OTUD7B: variants seen among roughly 807,000 people sequenced by gnomAD.
OTUD7B encodes the protein OTU deubiquitinase 7B.
A neutral mutation model predicts 82.2 loss-of-function variants in OTUD7B; 34 were observed. The ratio of observed to expected loss-of-function variants is 0.41; its 90% confidence interval spans 0.31 to 0.55. The LOEUF (loss-of-function observed/expected upper bound fraction) is 0.55, where lower values mean the gene tolerates loss of function less well. OTUD7B is among the 20% of genes least tolerant of loss of function. The pLI is 0.20. For missense variants in OTUD7B, 944 were observed against 1,062.1 expected, an observed-to-expected ratio of 0.89 and a Z score of 1.55; for synonymous variants, 398 against 402.7, an observed-to-expected ratio of 0.99 and a Z score of 0.14.
chr1:150,055,734 G>T, the OTUD7B span, among the ~76,000 whole-genome samples: 1 of 152,220 alleles, frequency 6.6e-6, no homozygotes, highest in African/African-American at 2.4e-5. Context: ...TCTTTTGCAG[G>T]TACATGGATG....
intron 7 of OTUD7B, among the ~76,000 whole-genome samples, chr1:149,956,040 A>T (rs1158288858): frequency 3.3e-5 from 5 of 152,092 alleles, no homozygotes; most frequent in Non-Finnish European, 5.9e-5. Flanking sequence ...TTTACATTTA[A>T]GGTTAATACT....
At chr1:150,048,122 G>A in the OTUD7B span, among the ~76,000 whole-genome samples, 33 of 151,842 alleles carry the variant, frequency 2.2e-4, no homozygotes, top group South Asian at 4.8e-3. Flanking sequence ...TCCCACAGAA[G>A]AAAACAAGGT....
At chr1:150,054,095 T>C in the OTUD7B span, 1 of 403,356 alleles carries the variant, frequency 2.5e-6, no homozygotes, top group South Asian at 2.5e-5. Flanking sequence ...AGCTGTGAAA[T>C]CCAAGGTTGA....
chr1:149,999,650 G>T (rs1009671722), intron 1 of OTUD7B, among the ~76,000 whole-genome samples: 1 of 152,172 alleles, frequency 6.6e-6, no homozygotes, highest in African/African-American at 2.4e-5. Context: ...GATGGCTTGA[G>T]CCCAGGAGTT....
At position 149,944,345 on chromosome 1, in the gene OTUD7B, CT is replaced by C; in HGVS notation, c.2043del (p.Glu682SerfsTer146). 1 of 1,613,238 alleles carries C rather than the reference CT, an allele frequency of 6.2e-7. No homozygotes were observed. Among genetic ancestry groups the C allele is most frequent in the Non-Finnish European group, 8.5e-7 (1 of 1,179,496 alleles). On this transcript the variant is annotated frameshift_variant, in exon 12 of 12. Coordinates refer to ENST00000581312, the MANE Select transcript of OTUD7B (RefSeq NM_020205.4). LOFTEE classifies it high-confidence loss of function. ...GTGGAAAATGCCATTGCCCTGGACT[CT>C]GCTGGGGGACCGGTCGGCTGCTCTT... ...AREEQPTGPP[A>X]ESRAMAFSTG...
intron 7 of OTUD7B, among the ~76,000 whole-genome samples, chr1:149,954,483 A>G (rs1473462817): frequency 2.0e-5 from 3 of 152,192 alleles, no homozygotes; most frequent in African/African-American, 7.2e-5. Context: ...ATCGATGTTC[A>G]TCAGGGATAG....
At chr1:149,991,992 G>C (rs1214871804) in intron 1 of OTUD7B, among the ~76,000 whole-genome samples, 14 of 152,182 alleles carry the variant, frequency 9.2e-5, no homozygotes, top group Non-Finnish European at 5.9e-5. Flanking sequence ...CACTTTGGGA[G>C]GCCAAGGCAG....
At chr1:149,977,995 G>C (rs1170044687) in intron 1 of OTUD7B, among the ~76,000 whole-genome samples, 1 of 152,150 alleles carries the variant, frequency 6.6e-6, no homozygotes, top group Non-Finnish European at 1.5e-5. Context: ...TTGCTGTCTA[G>C]CCATCTCCTC....
chr1:149,945,049 G>A lies in OTUD7B; in HGVS notation c.1340C>T (p.Pro447Leu). The A allele has an allele frequency of 1.2e-6, 2 of 1,613,808 alleles. No homozygotes were observed. Among genetic ancestry groups the A allele is most frequent in the Non-Finnish European group, 1.7e-6 (2 of 1,179,946 alleles). The change falls in exon 12 of 12, where the codon CCT becomes CTT. Residue 447 changes from proline (P) to leucine (L), a missense_variant. Transcript: ENST00000581312. ...TCCAGCTGAGGCGGTGGGGGACTCA[G>A]GCTGGGCCAGAGGAGCCTGGAAGAG... ...SSDAQAPLAQ[P>L]ESPTASAGDE... is the part of the protein sequence containing the mutation.
At position 149,965,862 on chromosome 1, in the gene OTUD7B, C is replaced by G; in HGVS notation, c.519G>C (p.Trp173Cys). 6.2e-7 allele frequency: 1 copy of G among 1,613,948 alleles called. No homozygotes were observed. ...TCTGAGAGGTGGGATCCACACTCACCCACCAGTTCAAACGCCCTGTAGAAA... is the reference window on the plus strand; with the variant it reads ...TCTGAGAGGTGGGATCCACACTCACGCACCAGTTCAAACGCCCTGTAGAAA... ...ALEQAGRLNW[W>C]VSVDPTSQRL... The change falls in exon 5 of 12, where the codon TGG (tryptophan) becomes TGC (cysteine). Residue 173 changes from tryptophan (W) to cysteine (C), a missense_variant. Physicochemically the swap from Trp to Cys is radical, Grantham distance 215 (BLOSUM62 -2). Coordinates refer to ENST00000581312, the MANE Select transcript of OTUD7B (RefSeq NM_020205.4).
At chr1:149,979,655 AAAATGTCAAATTCAAAATGTCAAATTC>A (rs1650578146) in intron 1 of OTUD7B, among the ~76,000 whole-genome samples, 1 of 151,682 alleles carries the variant, frequency 6.6e-6, no homozygotes, top group African/African-American at 2.4e-5. Context: ...CCTCAAATTC[AAAATGTCAAATTCAAAATGTCAAATTC>A]AAATGTCAAA....
chr1:149,965,708 C>T (rs1553776421), intron 5 of OTUD7B, 69 bp downstream of exon 5: 10 of 1,107,760 alleles, frequency 9.0e-6, no homozygotes, highest in Non-Finnish European at 1.4e-5. Flanking sequence ...TGGATCAAGT[C>T]CTACACATGA....
intron 7 of OTUD7B, among the ~76,000 whole-genome samples, chr1:149,954,596 T>C (rs1648518703): frequency 6.6e-6 from 1 of 152,196 alleles, no homozygotes; most frequent in Admixed American, 6.5e-5. Context: ...CTTTTTCTAT[T>C]GATTGGAATA....
the OTUD7B span, among the ~76,000 whole-genome samples, chr1:150,027,836 T>TTTTTTTTTTTTTTTTTTTTTTTTTTTTG: frequency 6.6e-6 from 1 of 152,184 alleles, no homozygotes; most frequent in African/African-American, 2.4e-5. Flanking sequence ...TGAGAGATTT[T>TTTTTTTTTTTTTTTTTTTTTTTTTTTTG]AAGTAGAATA....
At chr1:150,067,560 G>GC in the OTUD7B span, 2 of 392,330 alleles carry the variant, frequency 5.1e-6, no homozygotes, top group Non-Finnish European at 9.2e-6. Flanking sequence ...GCACCAAAGG[G>GC]CAATAGGGGT....
At chr1:150,059,798 A>T in the OTUD7B span, among the ~76,000 whole-genome samples, 1 of 152,228 alleles carries the variant, frequency 6.6e-6, no homozygotes, top group Non-Finnish European at 1.5e-5. Flanking sequence ...AGAGGGAAAA[A>T]AAGAAAGAAA....
chr1:150,057,772 G>C, the OTUD7B span, among the ~76,000 whole-genome samples: 113 of 152,290 alleles, frequency 7.4e-4, no homozygotes, highest in African/African-American at 2.5e-3. Flanking sequence ...ATTCTGTTAG[G>C]ATTTGTCCAA....
chr1:149,956,441 G>A (rs965192767), intron 7 of OTUD7B, among the ~76,000 whole-genome samples: 1 of 152,128 alleles, frequency 6.6e-6, no homozygotes, highest in African/African-American at 2.4e-5. Context: ...TGGGTAACCC[G>A]ACCTTTCTCT....
chr1:150,013,304 G>C (rs782781636), upstream of OTUD7B, among the ~76,000 whole-genome samples: 7 of 152,142 alleles, frequency 4.6e-5, no homozygotes, highest in Non-Finnish European at 7.4e-5. Flanking sequence ...TTAAGCAAGA[G>C]CAGAAAAACC....
Sources: allele counts gnomAD v4.1 joint callset (sites outside exome capture counted in the v4.1 genomes callset), GRCh38; gene constraint gnomAD v4.1.1; transcripts MANE v1.5; gene names NCBI Gene and HGNC (gene_info 2026-07-23, HGNC 2026-07-21).